Variants in CFAP54 observed in about 807,000 individuals in gnomAD.
CFAP54 encodes the protein cilia- and flagella-associated protein 54.
CFAP54 carries 290 observed loss-of-function variants against 370.4 expected under a neutral mutation model. That is an observed-to-expected ratio of 0.78 (90% confidence interval 0.71 to 0.86). CFAP54 has a LOEUF of 0.86. Ranked by LOEUF, CFAP54 falls within the 40% of genes least tolerant of loss-of-function variation. The pLI is 0.00. For missense variants in CFAP54, 3,399 were observed against 3,528.7 expected (o/e 0.96, Z 0.93); for synonymous variants, 1,206 against 1,236.5 (o/e 0.98, Z 0.52).
At chr12:96,626,062 T>C (rs1956546552) in intron 29 of CFAP54, among the ~76,000 whole-genome samples, 2 of 152,144 alleles carry the variant, frequency 1.3e-5, no homozygotes, top group South Asian at 4.1e-4. Flanking sequence ...GGTGTTATTA[T>C]GAAGCTTACA....
chr12:96,722,349 C>T (rs947917074), intron 50 of CFAP54, among the ~76,000 whole-genome samples: 5 of 152,106 alleles, frequency 3.3e-5, no homozygotes, highest in African/African-American at 1.2e-4. Context: ...GATGAGGTGA[C>T]ATCTGAACAA....
At chr12:96,701,244 G>C (rs1483817834) in intron 46 of CFAP54, among the ~76,000 whole-genome samples, 3 of 152,092 alleles carry the variant, frequency 2.0e-5, no homozygotes, top group African/African-American at 7.2e-5. Context: ...AGAAATTGGA[G>C]TCAGTTGATT....
chr12:96,721,521 G>T (rs1222441980), intron 50 of CFAP54, among the ~76,000 whole-genome samples: 1 of 152,012 alleles, frequency 6.6e-6, no homozygotes, highest in Non-Finnish European at 1.5e-5. Flanking sequence ...ATATTACAGC[G>T]CTTTTTTCAT....
intron 58 of CFAP54, among the ~76,000 whole-genome samples, 185 bp downstream of exon 58, chr12:96,757,773 G>T (rs898783228): frequency 1.3e-5 from 2 of 152,006 alleles, no homozygotes; most frequent in African/African-American, 4.8e-5. Flanking sequence ...TTTATATAGG[G>T]CTTTGGAAAT....
chr12:96,792,031 T>C (rs975091528), intron 62 of CFAP54, among the ~76,000 whole-genome samples: 1 of 151,956 alleles, frequency 6.6e-6, no homozygotes, highest in Non-Finnish European at 1.5e-5. Flanking sequence ...TGTATTTCTT[T>C]AGTAGAAGCG....
chr12:96,595,142 G>A (rs952948888), intron 25 of CFAP54, among the ~76,000 whole-genome samples: 3 of 152,130 alleles, frequency 2.0e-5, no homozygotes, highest in Middle Eastern at 3.2e-3. Context: ...TTACATAGGA[G>A]GTCCTTAGCT....
At chr12:96,524,391 C>T (rs992739323) in intron 8 of CFAP54, among the ~76,000 whole-genome samples, 5 of 151,850 alleles carry the variant, frequency 3.3e-5, no homozygotes, top group Non-Finnish European at 7.4e-5. Flanking sequence ...CATGTAAAGC[C>T]CTTAGAATGT....
intron 1 of CFAP54, among the ~76,000 whole-genome samples, chr12:96,493,780 A>G (rs1954914809): frequency 6.6e-6 from 1 of 152,248 alleles, no homozygotes; most frequent in Admixed American, 6.5e-5. Flanking sequence ...CCCAGGCGAC[A>G]GAGTGAGACT....
intron 67 of CFAP54, among the ~76,000 whole-genome samples, chr12:96,872,713 T>G (rs190795226): frequency 5.8e-4 from 88 of 152,304 alleles, no homozygotes; most frequent in Admixed American, 2.8e-3. Flanking sequence ...TTGATAAGTC[T>G]GTTGGAGTAG....
chr12:96,804,479 G>C (rs1958856627), intron 63 of CFAP54, among the ~76,000 whole-genome samples: 1 of 152,024 alleles, frequency 6.6e-6, no homozygotes, highest in African/African-American at 2.4e-5. Flanking sequence ...TACCAATAAT[G>C]ATCTAACCGA....
intron 32 of CFAP54, among the ~76,000 whole-genome samples, chr12:96,643,036 G>A (rs1012437770): frequency 6.6e-6 from 1 of 152,134 alleles, no homozygotes; most frequent in Non-Finnish European, 1.5e-5. Context: ...AGATGCAACC[G>A]ATTGTTGACT....
intron 50 of CFAP54, among the ~76,000 whole-genome samples, chr12:96,731,302 A>C (rs1047633250): frequency 3.3e-5 from 5 of 152,206 alleles, no homozygotes; most frequent in African/African-American, 1.2e-4. Flanking sequence ...TTAACATCTT[A>C]TGGGAATATT....
intron 64 of CFAP54, among the ~76,000 whole-genome samples, chr12:96,817,188 G>T (rs1958984293): frequency 6.6e-6 from 1 of 151,996 alleles, no homozygotes; most frequent in Non-Finnish European, 1.5e-5. Context: ...TTCATCTTCA[G>T]CAATATTTTA....
chr12:96,817,444 T>C (rs1184881437), intron 64 of CFAP54, among the ~76,000 whole-genome samples: 1 of 144,538 alleles, frequency 6.9e-6, no homozygotes, highest in Non-Finnish European at 1.5e-5. Context: ...TTTTTTTTTT[T>C]CTGTCTCGCT....
chr12:96,711,616 C>G (rs1451803773), intron 48 of CFAP54, among the ~76,000 whole-genome samples: 1 of 152,168 alleles, frequency 6.6e-6, no homozygotes, highest in Non-Finnish European at 1.5e-5. Flanking sequence ...CTCCAAATAC[C>G]ACAGACTTGC....
At chr12:96,655,450 A>G (rs1223287934) in intron 36 of CFAP54, among the ~76,000 whole-genome samples, 1 of 152,182 alleles carries the variant, frequency 6.6e-6, no homozygotes, top group Non-Finnish European at 1.5e-5. Flanking sequence ...TAGAATTACT[A>G]GGTTTCTGTA....
Position 96,792,326 on chromosome 12 carries a change from T to C in CFAP54, c.8680-3T>C. The stretch of plus-strand genomic sequence containing the variant: ...TAAACTGATGTTTTTGTTTGTTCCC[T>C]AGTTGTATCGCGATAGTTCTGTACA... On this transcript the variant is annotated splice_polypyrimidine_tract_variant and splice_region_variant and intron_variant, in intron 62 of 67. Transcript: ENST00000524981. The C allele has an allele frequency of 6.7e-7, 1 of 1,501,194 alleles. No individual in the cohort carries two copies. The highest frequency in any genetic ancestry group is 8.8e-7 in the Non-Finnish European group (1 of 1,130,214). 93.0% of individuals were successfully genotyped at this position (1,501,194 alleles called of 1,614,324 possible).
chr12:96,748,673 C>T (rs189217905), intron 55 of CFAP54, among the ~76,000 whole-genome samples: 1 of 152,294 alleles, frequency 6.6e-6, no homozygotes, highest in East Asian at 1.9e-4. Flanking sequence ...ATTATTCCAT[C>T]ATGTCTAGCT....
At chr12:96,521,045 T>C (rs1425291347) in intron 6 of CFAP54, among the ~76,000 whole-genome samples, 1 of 152,226 alleles carries the variant, frequency 6.6e-6, no homozygotes, top group Non-Finnish European at 1.5e-5. Context: ...TTTTGTTCTA[T>C]AGCTATTAAG....
Sources: allele counts gnomAD v4.1 joint callset (sites outside exome capture counted in the v4.1 genomes callset), GRCh38; gene constraint gnomAD v4.1.1; transcripts MANE v1.5; gene names NCBI Gene and HGNC (gene_info 2026-07-23, HGNC 2026-07-21).